Variants in DPYSL2 observed in about 807,000 individuals in gnomAD.
The protein encoded by DPYSL2 is dihydropyrimidinase-related protein 2.
DPYSL2 carries 13 observed loss-of-function variants against 69.9 expected under a neutral mutation model. The observed-to-expected ratio is 0.19, with a 90% CI of 0.12 to 0.30. The LOEUF (loss-of-function observed/expected upper bound fraction) is 0.30. Ranked by LOEUF, DPYSL2 falls within the 10% of genes least tolerant of loss-of-function variation. The pLI, the probability that DPYSL2 is intolerant of heterozygous loss-of-function variation, is 1.00. For synonymous variants in DPYSL2, 326 were observed against 359.1 expected (o/e 0.91, Z 1.04); for missense variants, 587 against 918.9 (o/e 0.64, Z 4.67).
intron 1 of DPYSL2, among the ~76,000 whole-genome samples, chr8:26,521,362 C>G (rs1808381132): frequency 6.6e-6 from 1 of 152,100 alleles, no homozygotes; most frequent in African/African-American, 2.4e-5. Context: ...ACTGTGTGAC[C>G]TGCACAGTCA....
Position 26,586,692 on chromosome 8 carries a change from C to T in DPYSL2, c.628+2709C>T, listed in dbSNP as rs1256026319. 6.6e-6 allele frequency among the ~76,000 whole-genome samples: 1 copy of T among 152,172 alleles called. No homozygotes were observed. Among genetic ancestry groups the T allele is most frequent in the African/African-American group, 2.4e-5 (1 of 41,436 alleles). On this transcript the variant is annotated intron_variant, in intron 3 of 13. Coordinates refer to ENST00000521913, the MANE Select transcript of DPYSL2 (RefSeq NM_001197293.3). The surrounding 1 kb of genome is among the most constrained non-coding windows in gnomAD (Gnocchi z 4.7). ...TCTGTTTAGGGACGAGGGACATCCC[C>T]CTCTGAGTGCAGCACCTGGCCCAGG...
rs1482571974 is a variant in DPYSL2, at chr8:26,514,914, G to T, written c.354+235G>T. Among the ~76,000 whole-genome samples the T allele has an allele frequency of 1.3e-5, 2 of 152,216 alleles. No individual in the cohort carries two copies. Among genetic ancestry groups the T allele is most frequent in the Admixed American group, 6.5e-5 (1 of 15,292 alleles). On this transcript the variant is annotated intron_variant, in intron 1 of 13. Coordinates refer to ENST00000521913, the MANE Select transcript of DPYSL2 (RefSeq NM_001197293.3). The surrounding 1 kb of genome is among the most constrained non-coding windows in gnomAD (Gnocchi z 8.4). Reference sequence around the variant, plus strand: ...GCCCGCGTCTCCTTGAGCTTGAGAGGTGGGGCGTGGGCATAGGGAATGGGC... The same window carrying T: ...GCCCGCGTCTCCTTGAGCTTGAGAGTTGGGGCGTGGGCATAGGGAATGGGC...
intron 1 of DPYSL2, among the ~76,000 whole-genome samples, chr8:26,546,320 G>A (rs1372834207): frequency 1.3e-5 from 2 of 152,106 alleles, no homozygotes; most frequent in Non-Finnish European, 2.9e-5. Context: ...GAAAGCAATG[G>A]ACTTTTGTAT....
At chr8:26,534,899 C>G (rs1800567369) in intron 1 of DPYSL2, among the ~76,000 whole-genome samples, 1 of 152,160 alleles carries the variant, frequency 6.6e-6, no homozygotes, top group African/African-American at 2.4e-5. Flanking sequence ...TCCCAAAACA[C>G]TGGGATTATA....
rs1802565491 is a variant in DPYSL2, at chr8:26,624,250, A to G, written c.736A>G (p.Ile246Val). The change falls in exon 4 of 14, where the codon ATC becomes GTC. Residue 246 changes from isoleucine to valine, a missense_variant. This residue lies in a region of DPYSL2 where 452 missense variants were observed against 754.3 expected (regional missense o/e 0.60). Transcript: ENST00000521913. This position sits in a 1 kb window ranked among gnomAD's most constrained non-coding sequence, Gnocchi z 4.7. ...SCCDYSLHVD[I>V]SEWHKGIQEE... ...CTGTGACTACTCTCTGCATGTGGACATCAGTGAGTGGCATAAGGGCATCCA... is the reference window on the plus strand; with the variant it reads ...CTGTGACTACTCTCTGCATGTGGACGTCAGTGAGTGGCATAAGGGCATCCA... 6 of 1,614,092 alleles carry G rather than the reference A, an allele frequency of 3.7e-6. No individual in the cohort carries two copies. The East Asian group carries it at 8.9e-5, about 24-fold the overall frequency.
chr8:26,520,645 C>T (rs1808370444), intron 1 of DPYSL2, among the ~76,000 whole-genome samples: 1 of 152,136 alleles, frequency 6.6e-6, no homozygotes, highest in Admixed American at 6.5e-5. Flanking sequence ...GAATGACATG[C>T]TTTTCTAAGA....
chr8:26,654,109 C>T lies in DPYSL2; in HGVS notation c.1942+712C>T, dbSNP rs977570859. Among the ~76,000 whole-genome samples the T allele has an allele frequency of 6.6e-6, 1 of 152,180 alleles. No individual in the cohort carries two copies. Among genetic ancestry groups the T allele is most frequent in the African/African-American group, 2.4e-5 (1 of 41,426 alleles). ...GCCTAACTTCAGGGCTCAGCTCTGG[C>T]TGTGCTTCAGTCTCCTCACCTGTAT... On this transcript the variant is annotated intron_variant, in intron 13 of 13. Coordinates refer to ENST00000521913, the MANE Select transcript of DPYSL2 (RefSeq NM_001197293.3). This position sits in a 1 kb window ranked among gnomAD's most constrained non-coding sequence, Gnocchi z 5.0.
intron 3 of DPYSL2, among the ~76,000 whole-genome samples, chr8:26,584,666 C>G (rs149967979): frequency 0.043 from 6,041 of 139,644 alleles, 405 homozygotes; most frequent in African/African-American, 0.15. Flanking sequence ...GTTGCCCAGG[C>G]TGGAGTGCAA....
In DPYSL2 at chr8:26,516,145, G is replaced by A. The variant is rs1808283899; in HGVS notation, c.354+1466G>A. Among the ~76,000 whole-genome samples the A allele has an allele frequency of 6.6e-6, 1 of 152,176 alleles. No homozygotes were observed. The highest frequency in any genetic ancestry group is 1.5e-5 in the Non-Finnish European group (1 of 68,048). ...ATAATTTATATCCAACCCCAGCCCT[G>A]CCCTCTAATTTATTCATATAAGGGA... On this transcript the variant is annotated intron_variant, in intron 1 of 13. Coordinates refer to ENST00000521913, the MANE Select transcript of DPYSL2 (RefSeq NM_001197293.3). This position sits in a 1 kb window ranked among gnomAD's most constrained non-coding sequence, Gnocchi z 4.8.
intron 1 of DPYSL2, among the ~76,000 whole-genome samples, chr8:26,567,753 G>C (rs1432831480): frequency 6.6e-6 from 1 of 152,206 alleles, no homozygotes; most frequent in Non-Finnish European, 1.5e-5. Flanking sequence ...GCTGCAAACA[G>C]CCCGGCACGC....
At position 26,655,853 on chromosome 8, in the gene DPYSL2, C is replaced by A. The variant is rs1300019059; in HGVS notation, c.*147C>A. ...TGTGGAGCAGCCAGTTCATGGGGTC[C>A]CCCTTGGGGCCCCACACCCCGTCTC... is the stretch of plus-strand genomic sequence containing the variant. On this transcript the variant is annotated 3_prime_UTR_variant, in exon 14 of 14. Transcript: ENST00000521913. 1.2e-5 allele frequency: 8 copies of A among 671,162 alleles called. No individual in the cohort carries two copies. In the Admixed American group the frequency reaches 2.2e-4, roughly 19 times the overall value. The allele number at this position is 671,162 out of a possible 1,614,324, so 41.6% of individuals were successfully genotyped here.
At chr8:26,537,999 C>T (rs1435683586) in intron 1 of DPYSL2, among the ~76,000 whole-genome samples, 1 of 152,164 alleles carries the variant, frequency 6.6e-6, no homozygotes, top group African/African-American at 2.4e-5. Flanking sequence ...AGTTTGGAAT[C>T]ATCCGATGTT....
At chr8:26,578,774 C>G (rs1801419662) in intron 1 of DPYSL2, among the ~76,000 whole-genome samples, 1 of 152,174 alleles carries the variant, frequency 6.6e-6, no homozygotes, top group Non-Finnish European at 1.5e-5. Flanking sequence ...TCTCCGGGTC[C>G]TTGGAAAAAG....
At chr8:26,584,580 G>A (rs962304470) in intron 3 of DPYSL2, among the ~76,000 whole-genome samples, 10 of 150,604 alleles carry the variant, frequency 6.6e-5, no homozygotes, top group African/African-American at 2.2e-4. Flanking sequence ...CCACAGCTGG[G>A]TGCCCCTTAC....
In DPYSL2 at chr8:26,580,544, G is replaced by T. The variant is rs570586686; in HGVS notation, c.355-1425G>T. ...GTACAAAATTAAAATGATCTTATTGGTTTTCAGTATGTTAGAGAGACAATA... is the reference window on the plus strand; with the variant it reads ...GTACAAAATTAAAATGATCTTATTGTTTTTCAGTATGTTAGAGAGACAATA... On this transcript the variant is annotated intron_variant, in intron 1 of 13. Coordinates refer to ENST00000521913, the MANE Select transcript of DPYSL2 (RefSeq NM_001197293.3). This position sits in a 1 kb window ranked among gnomAD's most constrained non-coding sequence, Gnocchi z 4.1. 6.6e-6 allele frequency among the ~76,000 whole-genome samples: 1 copy of T among 152,270 alleles called. No homozygotes were observed. Among genetic ancestry groups the T allele is most frequent in the East Asian group, 1.9e-4 (1 of 5,194 alleles).
chr8:26,626,690 G>A lies in DPYSL2; in HGVS notation c.855+12G>A, dbSNP rs200074551. The A allele has an allele frequency of 1.9e-3, 3,041 of 1,614,066 alleles. 81 individuals carry two copies. The South Asian group carries it at 0.031, about 17-fold the overall frequency. On this transcript the variant is annotated intron_variant, in intron 5 of 13. Transcript: ENST00000521913. The surrounding 1 kb of genome is among the most constrained non-coding windows in gnomAD (Gnocchi z 4.3). Reference sequence around the variant, plus strand: ...TAACGGATTGCCAGGTAAGAAAGTCGGCTTTTCGGAAGAGGCACCCTGACA... The same window carrying A: ...TAACGGATTGCCAGGTAAGAAAGTCAGCTTTTCGGAAGAGGCACCCTGACA...
At chr8:26,529,728 A>ATTT (rs71216757) in intron 1 of DPYSL2, among the ~76,000 whole-genome samples, 3,244 of 135,410 alleles carry the variant, frequency 0.024, 58 homozygotes, top group Middle Eastern at 0.081. Context: ...TTTAACCGTA[A>ATTT]TTTTTTTTTT....
intron 7 of DPYSL2, among the ~76,000 whole-genome samples, chr8:26,630,927 C>T (rs761784134): frequency 1.3e-4 from 20 of 152,286 alleles, no homozygotes; most frequent in Non-Finnish European, 2.5e-4. Flanking sequence ...GGAGCCAGTC[C>T]CTCTGCCTGC....
intron 3 of DPYSL2, among the ~76,000 whole-genome samples, chr8:26,613,725 A>G (rs1802287068): frequency 6.6e-6 from 1 of 152,280 alleles, no homozygotes; most frequent in South Asian, 2.1e-4. Flanking sequence ...CCTGCCAGCC[A>G]GGGAAGGCCC....
Sources: allele counts gnomAD v4.1 joint callset (sites outside exome capture counted in the v4.1 genomes callset), GRCh38; gene constraint gnomAD v4.1.1; regional missense constraint gnomAD v4.1.1; non-coding constraint Gnocchi (gnomAD v3.1); transcripts MANE v1.5; gene names NCBI Gene and HGNC (gene_info 2026-07-23, HGNC 2026-07-21).